The following MYO16 variants were observed in gnomAD, a reference collection of about 807,000 sequenced individuals.
MYO16 encodes myosin XVI.
Under a neutral mutation model 205.3 loss-of-function variants are expected in MYO16, and 94 were observed. That is an observed-to-expected ratio of 0.46 (90% confidence interval 0.39 to 0.54). The LOEUF is 0.54. Among genes scored for constraint, MYO16 ranks in the 20% least tolerant of loss-of-function variants. The pLI is 0.00. For synonymous variants in MYO16, 988 were observed against 954.0 expected, an observed-to-expected ratio of 1.04 and a Z score of -0.66; for missense variants, 2,315 against 2,387.5, an observed-to-expected ratio of 0.97 and a Z score of 0.63.
intron 1 of MYO16, among the ~76,000 whole-genome samples, chr13:108,632,791 C>G (rs1407172650): frequency 6.6e-6 from 1 of 152,066 alleles, no homozygotes; most frequent in Non-Finnish European, 1.5e-5. Flanking sequence ...GAGCCCCATG[C>G]CTGTTGAGAG....
intron 2 of MYO16, among the ~76,000 whole-genome samples, chr13:108,708,943 A>T (rs576907504): frequency 6.6e-6 from 1 of 152,300 alleles, no homozygotes; most frequent in Admixed American, 6.5e-5. Flanking sequence ...TTACCCTAAT[A>T]GCTGAAAATT....
intron 28 of MYO16, among the ~76,000 whole-genome samples, chr13:109,118,283 G>A (rs1875822862): frequency 6.6e-6 from 1 of 152,178 alleles, no homozygotes; most frequent in African/African-American, 2.4e-5. Context: ...TGCTCCATGA[G>A]GACAGAGGCC....
intron 4 of MYO16, among the ~76,000 whole-genome samples, chr13:108,765,786 T>C (rs989960682): frequency 1.3e-5 from 2 of 152,230 alleles, no homozygotes; most frequent in Non-Finnish European, 1.5e-5. Flanking sequence ...TGTTACCTTT[T>C]CTTTCTTACA....
At chr13:108,773,043 C>T (rs140101673) in intron 4 of MYO16, among the ~76,000 whole-genome samples, 1 of 152,278 alleles carries the variant, frequency 6.6e-6, no homozygotes, top group Non-Finnish European at 1.5e-5. Flanking sequence ...AAGCCCACTT[C>T]CTAGTCTTCA....
At chr13:108,788,024 T>C (rs1356326786) in intron 5 of MYO16, among the ~76,000 whole-genome samples, 2 of 152,144 alleles carry the variant, frequency 1.3e-5, no homozygotes, top group Non-Finnish European at 2.9e-5. Flanking sequence ...TCTTTAGAAA[T>C]TCCTACTATT....
chr13:108,532,693 G>T, the MYO16 span, among the ~76,000 whole-genome samples: 2 of 151,758 alleles, frequency 1.3e-5, no homozygotes, highest in South Asian at 2.1e-4. Context: ...TAGGAGGCTG[G>T]GGCAGGAGCA....
At chr13:108,620,892 A>G (rs1171088230) in intron 1 of MYO16, among the ~76,000 whole-genome samples, 1 of 152,154 alleles carries the variant, frequency 6.6e-6, no homozygotes, top group African/African-American at 2.4e-5. Flanking sequence ...CCTTGTCTCT[A>G]TATGACTCAT....
the MYO16 span, among the ~76,000 whole-genome samples, chr13:108,525,516 A>T: frequency 1.2e-4 from 18 of 152,244 alleles, 1 homozygote; most frequent in South Asian, 2.7e-3. Flanking sequence ...TTTACCCTAG[A>T]TGATAGAAGC....
chr13:108,759,547 C>T (rs895359010), intron 4 of MYO16, among the ~76,000 whole-genome samples: 1 of 152,114 alleles, frequency 6.6e-6, no homozygotes, highest in Non-Finnish European at 1.5e-5. Context: ...TTGGGCCGGG[C>T]GTGGTGGCTC....
chr13:109,102,157 A>C (rs1265970614), intron 28 of MYO16, among the ~76,000 whole-genome samples: 1 of 152,050 alleles, frequency 6.6e-6, no homozygotes, highest in Non-Finnish European at 1.5e-5. Context: ...GAGGAAGCTT[A>C]CTCAGTCTGA....
At chr13:108,899,495 A>G (rs531317380) in intron 15 of MYO16, among the ~76,000 whole-genome samples, 40 of 152,198 alleles carry the variant, frequency 2.6e-4, no homozygotes, top group Non-Finnish European at 4.6e-4. Context: ...GTTAACTTAT[A>G]CAAAAGGAAA....
chr13:109,080,500 C>T (rs868388595), intron 27 of MYO16, among the ~76,000 whole-genome samples: 14 of 151,664 alleles, frequency 9.2e-5, no homozygotes, highest in African/African-American at 2.9e-4. Context: ...GGGTTAGGAG[C>T]TTTAATGACC....
At chr13:108,948,977 A>G (rs1488176332) in intron 16 of MYO16, among the ~76,000 whole-genome samples, 2 of 152,260 alleles carry the variant, frequency 1.3e-5, no homozygotes, top group African/African-American at 2.4e-5. Context: ...CTTTGTTGTC[A>G]GGACAATAAA....
intron 4 of MYO16, among the ~76,000 whole-genome samples, chr13:108,755,996 TCA>T (rs1475745876): frequency 2.0e-5 from 3 of 152,194 alleles, no homozygotes; most frequent in African/African-American, 4.8e-5. Context: ...AGCATTATAG[TCA>T]CAGTCCTTTA....
upstream of MYO16, among the ~76,000 whole-genome samples, chr13:108,625,729 G>T (rs985534845): frequency 6.6e-6 from 1 of 152,166 alleles, no homozygotes; most frequent in Non-Finnish European, 1.5e-5. Flanking sequence ...GCTTAAATTT[G>T]CATAACAAAA....
intron 24 of MYO16, among the ~76,000 whole-genome samples, chr13:109,050,361 C>T (rs532909960): frequency 6.6e-6 from 1 of 151,848 alleles, no homozygotes; most frequent in South Asian, 2.1e-4. Flanking sequence ...AATTTTTGGC[C>T]AGGAGTCCCA....
At chr13:108,894,211 A>C (rs570179166) in intron 14 of MYO16, among the ~76,000 whole-genome samples, 1 of 152,232 alleles carries the variant, frequency 6.6e-6, no homozygotes, top group East Asian at 1.9e-4. Context: ...CCCATGACTC[A>C]ATCACCCCCC....
chr13:108,868,598 T>G (rs1386694051), intron 12 of MYO16, among the ~76,000 whole-genome samples: 1 of 152,070 alleles, frequency 6.6e-6, no homozygotes, highest in African/African-American at 2.4e-5. Flanking sequence ...AAAAAATGTA[T>G]ATTAACCTGA....
At chr13:108,515,959 G>A in the MYO16 span, among the ~76,000 whole-genome samples, 8 of 120,660 alleles carry the variant, frequency 6.6e-5, no homozygotes, top group Admixed American at 4.2e-4. Flanking sequence ...CAGAGGTGGA[G>A]CCTACAGAGG....
Sources: gnomAD v4.1 joint callset for allele counts (sites outside exome capture counted in the v4.1 genomes callset) on GRCh38, gnomAD v4.1.1 for gene constraint, MANE v1.5 for transcripts, NCBI Gene and HGNC (gene_info 2026-07-23, HGNC 2026-07-21) for gene names.